The following TECPR2 variants were observed in gnomAD, a reference collection of about 807,000 sequenced individuals.
TECPR2 encodes tectonin beta-propeller repeat containing 2.
In TECPR2, 65 loss-of-function variants were observed where a neutral mutation model predicts 138.1. The ratio of observed to expected loss-of-function variants is 0.47; its 90% CI spans 0.39 to 0.58. TECPR2 has a LOEUF of 0.58. TECPR2 is among the 20% of genes least tolerant of loss of function. TECPR2 has a pLI of 0.00. For missense variants in TECPR2, 1,553 were observed against 1,824.5 expected, an observed-to-expected ratio of 0.85 and a Z score of 2.71; for synonymous variants, 746 against 749.8, an observed-to-expected ratio of 0.99 and a Z score of 0.08.
chr14:102,459,260 G>A (rs759185232), intron 16 of TECPR2, among the ~76,000 whole-genome samples: 2 of 152,140 alleles, frequency 1.3e-5, no homozygotes, highest in Non-Finnish European at 2.9e-5. Flanking sequence ...AGTCAGTACT[G>A]TTTGCAGCTC....
chr14:102,369,891 C>CTTG (rs1887454598), intron 1 of TECPR2, among the ~76,000 whole-genome samples: 1 of 151,822 alleles, frequency 6.6e-6, no homozygotes, highest in South Asian at 2.1e-4. Context: ...GGAGGCGGAG[C>CTTG]TTGCAGTGAG....
Position 102,498,245 on chromosome 14 carries a change from G to A in TECPR2, c.4224G>A (p.Trp1408Ter), listed in dbSNP as rs755101419. 1 of 1,602,266 alleles carries A rather than the reference G, an allele frequency of 6.2e-7. No homozygotes were observed. Among genetic ancestry groups the A allele is most frequent in the Non-Finnish European group, 8.5e-7 (1 of 1,179,780 alleles). Reference sequence around the variant, plus strand: ...ACCCTGAGGACCTGGAGGACGAGTGGGAGGTCATCTGAAGGAGCCCTGGCC... The same window carrying A: ...ACCCTGAGGACCTGGAGGACGAGTGAGAGGTCATCTGAAGGAGCCCTGGCC... ...MPHPEDLEDE[W>*]EVI The change falls in exon 20 of 20, where the codon TGG (tryptophan) becomes TGA (stop). Residue 1408 changes from tryptophan to a stop codon, truncating the protein, a stop_gained. Coordinates refer to ENST00000359520, the MANE Select transcript of TECPR2 (RefSeq NM_014844.5). LOFTEE classifies it high-confidence loss of function.
intron 1 of TECPR2, among the ~76,000 whole-genome samples, chr14:102,375,571 G>A (rs1369365461): frequency 6.6e-6 from 1 of 152,162 alleles, no homozygotes; most frequent in African/African-American, 2.4e-5. Context: ...AAGAGGGACT[G>A]GAAGTTGGTC....
At chr14:102,457,091 TTTTG>T (rs748041649) in intron 16 of TECPR2, among the ~76,000 whole-genome samples, 15 of 151,768 alleles carry the variant, frequency 9.9e-5, no homozygotes, top group East Asian at 1.9e-4. Flanking sequence ...AGACTTCTCT[TTTTG>T]TTTGTTTGAG....
At position 102,432,489 on chromosome 14, in the gene TECPR2, G is replaced by A. The variant is rs146747161; in HGVS notation, c.1417+361G>A. ...GCTGGAGTGCAATGGCACGATCTCG[G>A]CTCACTGCAACCTCACCTCCTGAGT... On this transcript the variant is annotated intron_variant, in intron 8 of 19. Coordinates refer to ENST00000359520, the MANE Select transcript of TECPR2 (RefSeq NM_014844.5). Among the ~76,000 whole-genome samples, 487 of 152,080 alleles carry A rather than the reference G, an allele frequency of 3.2e-3. 3 individuals are homozygous for A. Among genetic ancestry groups the A allele is most frequent in the African/African-American group, 0.011 (463 of 41,532 alleles).
In TECPR2 at chr14:102,419,422, T is replaced by G. The variant is rs1889117798; in HGVS notation, c.638+4629T>G. ...GAACCATGTGGCCTGGTGGGAGTTT[T>G]GGGAGAGGGGCCGTGTGGCAGCACA... On this transcript the variant is annotated intron_variant, in intron 5 of 19. Transcript: ENST00000359520. The surrounding 1 kb of genome is among the most constrained non-coding windows in gnomAD (Gnocchi z 4.8). 1.3e-5 allele frequency among the ~76,000 whole-genome samples: 2 copies of G among 152,036 alleles called. No homozygotes were observed. Among genetic ancestry groups the G allele is most frequent in the African/African-American group, 4.8e-5 (2 of 41,398 alleles).
At chr14:102,472,097 A>G (rs1890664597) in intron 17 of TECPR2, among the ~76,000 whole-genome samples, 1 of 152,230 alleles carries the variant, frequency 6.6e-6, no homozygotes, top group Admixed American at 6.5e-5. Context: ...TTGAGCGCCC[A>G]TGTGCCTTGC....
Position 102,438,164 on chromosome 14 carries a change from A to G in TECPR2, c.2537A>G (p.Lys846Arg). ...ALPGAGLRWQ[K>R]FEDAVQQVAV... is the part of the protein sequence containing the mutation. The stretch of plus-strand genomic sequence containing the variant: ...CCGGGCGCCGGGCTGCGCTGGCAGA[A>G]GTTTGAAGATGCTGTCCAGCAGGTG... Residue 846 changes from lysine to arginine, a missense_variant, in exon 10 of 20, where the codon AAG becomes AGG. Physicochemically the swap from Lys to Arg is conservative, Grantham distance 26. Coordinates refer to ENST00000359520, the MANE Select transcript of TECPR2 (RefSeq NM_014844.5). 2 of 1,612,832 alleles carry G rather than the reference A, an allele frequency of 1.2e-6. No homozygotes were observed. Among genetic ancestry groups the G allele is most frequent in the Admixed American group, 1.7e-5 (1 of 60,010 alleles).
In TECPR2 at chr14:102,498,297, G is replaced by T. The variant is rs188678923; in HGVS notation, c.*40G>T. 3,452 of 1,573,054 alleles carry T rather than the reference G, an allele frequency of 2.2e-3. 16 individuals carry two copies. The highest frequency in any genetic ancestry group is 9.3e-3 in the South Asian group (818 of 87,916). On this transcript the variant is annotated 3_prime_UTR_variant, in exon 20 of 20. Transcript: ENST00000359520. ...AGTCACGCGGAGGGGCCCGGCGTCT[G>T]TGGCGGGCACAGGGGCTTCAGAGTG... is the stretch of plus-strand genomic sequence containing the variant.
intron 13 of TECPR2, among the ~76,000 whole-genome samples, chr14:102,448,636 C>CG: frequency 6.6e-6 from 1 of 152,046 alleles, no homozygotes; most frequent in East Asian, 1.9e-4. Flanking sequence ...GAGGCCTGGG[C>CG]GGGCGGATCA....
chr14:102,428,242 T>C lies in TECPR2; in HGVS notation c.952-8T>C, dbSNP rs78954036. On this transcript the variant is annotated splice_polypyrimidine_tract_variant and splice_region_variant and intron_variant, in intron 6 of 19. Coordinates refer to ENST00000359520, the MANE Select transcript of TECPR2 (RefSeq NM_014844.5). The stretch of plus-strand genomic sequence containing the variant: ...TTTTTGTTTTTTTTTTTTTTTTTTT[T>C]TTGACAGGCCACAGTTGCTGGTTTG... 6.9e-7 allele frequency: 1 copy of C among 1,458,360 alleles called. No individual in the cohort carries two copies. The highest frequency in any genetic ancestry group is 9.1e-7 in the Non-Finnish European group (1 of 1,101,198). 90.3% of individuals were successfully genotyped at this position (1,458,360 alleles called of 1,614,324 possible).
chr14:102,411,698 T>TAAAAAAAA (rs1219515960), intron 4 of TECPR2, among the ~76,000 whole-genome samples: 17 of 9,688 alleles, frequency 1.8e-3, no homozygotes, highest in Non-Finnish European at 1.9e-3. Flanking sequence ...GCCATGTTGC[T>TAAAAAAAA]CAAAAAAAAA....
In TECPR2 at chr14:102,434,768, C is replaced by T; in HGVS notation, c.1951C>T (p.Pro651Ser). The change falls in exon 9 of 20, where the codon CCT becomes TCT. Residue 651 changes from proline (P) to serine (S), a missense_variant. By Grantham distance (74) the Pro-to-Ser change is moderately conservative (BLOSUM62 -1). Coordinates refer to ENST00000359520, the MANE Select transcript of TECPR2 (RefSeq NM_014844.5). ...EVPLLNSLTV[P>S]SSLSWAPSAE... Reference sequence around the variant, plus strand: ...CCCCCTCCTGAACTCACTCACTGTGCCTTCCAGCCTCAGCTGGGCCCCAAG... The same window carrying T: ...CCCCCTCCTGAACTCACTCACTGTGTCTTCCAGCCTCAGCTGGGCCCCAAG... 3 of 1,613,394 alleles carry T rather than the reference C, an allele frequency of 1.9e-6. No individual in the cohort carries two copies. Among genetic ancestry groups the T allele is most frequent in the Non-Finnish European group, 2.5e-6 (3 of 1,180,030 alleles).
At chr14:102,371,251 G>A (rs1277493274) in intron 1 of TECPR2, among the ~76,000 whole-genome samples, 1 of 152,200 alleles carries the variant, frequency 6.6e-6, no homozygotes, top group Admixed American at 6.5e-5. Flanking sequence ...GTGAACATTG[G>A]GTAAGGAGGA....
rs749571040 is a variant in TECPR2 at position 102,497,734 on chromosome 14, C to T, written c.4081+15C>T. The T allele has an allele frequency of 1.3e-6, 2 of 1,593,910 alleles. No individual in the cohort carries two copies. Among genetic ancestry groups the T allele is most frequent in the African/African-American group, 1.3e-5 (1 of 74,754 alleles). On this transcript the variant is annotated intron_variant, in intron 19 of 19. Coordinates refer to ENST00000359520, the MANE Select transcript of TECPR2 (RefSeq NM_014844.5). Reference sequence around the variant, plus strand: ...GTGTTTCACAGGCAGGTGCCCGGGGCCAGTGGGCTTAAGGCCCCTTGGGGT... The same window carrying T: ...GTGTTTCACAGGCAGGTGCCCGGGGTCAGTGGGCTTAAGGCCCCTTGGGGT...
rs1024093998 is a variant in TECPR2 at position 102,363,027 on chromosome 14, A to G, written c.-162A>G. The G allele has an allele frequency of 1.2e-4, 91 of 787,674 alleles. No individual in the cohort carries two copies. The highest frequency in any genetic ancestry group is 1.6e-4 in the Non-Finnish European group (81 of 511,748). 48.8% of individuals were successfully genotyped at this position (787,674 alleles called of 1,614,324 possible). A position where few individuals can be genotyped will look rare whatever the true frequency, so the allele number is the denominator to read the frequency against. ...CGGTGCCGGCCCCGTTGCCCAGGGAACAGGCTCCCGGCAGCCCCCGCGGCC... is the reference window on the plus strand; with the variant it reads ...CGGTGCCGGCCCCGTTGCCCAGGGAGCAGGCTCCCGGCAGCCCCCGCGGCC... On this transcript the variant is annotated 5_prime_UTR_variant, in exon 1 of 20. Coordinates refer to ENST00000359520, the MANE Select transcript of TECPR2 (RefSeq NM_014844.5).
At chr14:102,489,137 C>T (rs1257431926) in intron 17 of TECPR2, among the ~76,000 whole-genome samples, 3 of 152,068 alleles carry the variant, frequency 2.0e-5, no homozygotes, top group East Asian at 2.0e-4. Flanking sequence ...CCACCTCGGC[C>T]TCCCAAAGTG....
At chr14:102,432,242 C>A in intron 8 of TECPR2, 114 bp downstream of exon 8, 1 of 1,103,360 alleles carries the variant, frequency 9.1e-7, no homozygotes. Context: ...GCAGAGAACA[C>A]ATACATTTCT....
At chr14:102,405,508 A>G (rs540853220) in intron 2 of TECPR2, among the ~76,000 whole-genome samples, 5 of 152,268 alleles carry the variant, frequency 3.3e-5, no homozygotes, top group South Asian at 2.1e-4. Context: ...CAAAAAAAAG[A>G]AAAAAAGGAA....
Sources: allele counts gnomAD v4.1 joint callset (sites outside exome capture counted in the v4.1 genomes callset), GRCh38; gene constraint gnomAD v4.1.1; non-coding constraint Gnocchi (gnomAD v3.1); transcripts MANE v1.5; gene names NCBI Gene and HGNC (gene_info 2026-07-23, HGNC 2026-07-21).